Variants in CNIH3 observed in about 807,000 individuals in gnomAD.
CNIH3 encodes the protein protein cornichon homolog 3.
CNIH3 carries 14 observed loss-of-function variants against 24.1 expected under a neutral mutation model. The observed-to-expected ratio is 0.58, with a 90% CI of 0.38 to 0.91. CNIH3 has a LOEUF of 0.91. CNIH3 is among the 40% of genes least tolerant of loss of function. The pLI, the probability that CNIH3 is intolerant of heterozygous loss-of-function variation, is 0.00. For synonymous variants in CNIH3, 68 were observed against 73.8 expected (o/e 0.92, Z 0.40); for missense variants, 178 against 196.8 (o/e 0.90, Z 0.57).
chr1:224,479,004 C>T (rs904357925), intron 1 of CNIH3, among the ~76,000 whole-genome samples: 2 of 152,140 alleles, frequency 1.3e-5, no homozygotes, highest in African/African-American at 4.8e-5. Flanking sequence ...CACTGGATCC[C>T]TCCTACAACA....
chr1:224,606,265 T>G (rs1682416479), intron 3 of CNIH3, among the ~76,000 whole-genome samples: 1 of 152,142 alleles, frequency 6.6e-6, no homozygotes, highest in Non-Finnish European at 1.5e-5. Flanking sequence ...ACCTGCCCTC[T>G]TGGTACCTGA....
intron 3 of CNIH3, among the ~76,000 whole-genome samples, chr1:224,695,014 A>G (rs1687096848): frequency 6.6e-6 from 1 of 152,166 alleles, no homozygotes; most frequent in African/African-American, 2.4e-5. Context: ...GGGTGCACCA[A>G]AATCTCAGAA....
chr1:224,504,801 T>C (rs1279285709), intron 1 of CNIH3, among the ~76,000 whole-genome samples: 1 of 152,132 alleles, frequency 6.6e-6, no homozygotes, highest in Non-Finnish European at 1.5e-5. Context: ...ATCTGGGAAA[T>C]GGGACATTGC....
chr1:224,669,156 C>G (rs1244021437), intron 1 of CNIH3, among the ~76,000 whole-genome samples: 1 of 152,192 alleles, frequency 6.6e-6, no homozygotes, highest in South Asian at 2.1e-4. Context: ...TGAAGCGAGT[C>G]AGCTGGGGCT....
intron 3 of CNIH3, among the ~76,000 whole-genome samples, chr1:224,558,679 G>A (rs1680240750): frequency 6.6e-6 from 1 of 152,174 alleles, no homozygotes; most frequent in Non-Finnish European, 1.5e-5. Flanking sequence ...CCCACCCCTT[G>A]ATGGGAGTGG....
chr1:224,516,992 G>T (rs368570495), intron 1 of CNIH3, among the ~76,000 whole-genome samples: 4 of 152,248 alleles, frequency 2.6e-5, no homozygotes, highest in East Asian at 1.9e-4. Flanking sequence ...CTGTTTTTAG[G>T]GGGTAGGGGA....
intron 1 of CNIH3, among the ~76,000 whole-genome samples, chr1:224,500,155 C>G (rs761582431): frequency 6.6e-6 from 1 of 151,292 alleles, no homozygotes; most frequent in African/African-American, 2.4e-5. Flanking sequence ...AGGCCTGCAC[C>G]ATCAAGCCTG....
intron 3 of CNIH3, among the ~76,000 whole-genome samples, chr1:224,559,117 T>C (rs1303234863): frequency 1.3e-5 from 2 of 152,154 alleles, no homozygotes; most frequent in African/African-American, 4.8e-5. Flanking sequence ...CATCTTTCCT[T>C]GCAATTCAAA....
At chr1:224,514,833 A>C (rs1678314490), upstream of CNIH3, among the ~76,000 whole-genome samples, 1 of 152,188 alleles carries the variant, frequency 6.6e-6, no homozygotes, top group African/African-American at 2.4e-5. Flanking sequence ...CTGTCTCAAA[A>C]AACAAACAAC....
chr1:224,724,531 G>A lies in CNIH3; in HGVS notation c.199-5931G>A, dbSNP rs193021618. Among the ~76,000 whole-genome samples, 6 of 152,324 alleles carry A rather than the reference G, an allele frequency of 3.9e-5. No homozygotes were observed. The East Asian group carries it at 1.2e-3, about 29-fold the overall frequency. On this transcript the variant is annotated intron_variant, in intron 3 of 5. Transcript: ENST00000272133. The stretch of plus-strand genomic sequence containing the variant: ...CATGCTGGGAATACTGACTTCGTCC[G>A]GGGCATCCCAGAGGGATCCTCTGTT...
At chr1:224,486,816 C>G (rs963684193) in intron 1 of CNIH3, among the ~76,000 whole-genome samples, 4 of 152,220 alleles carry the variant, frequency 2.6e-5, no homozygotes, top group Non-Finnish European at 4.4e-5. Context: ...AAGTAGAGTG[C>G]TTATCACAGT....
rs564529186 is a variant in CNIH3 at position 224,445,700 on chromosome 1, G to A, written n.203+10838G>A. On this transcript the variant is annotated intron_variant and non_coding_transcript_variant, in intron 1 of 5. Coordinates refer to the CNIH3 transcript ENST00000471578. ...TGTACTGCAAATTTATTTTCCCTCT[G>A]TGTGGTTTGCTTTTGCTCTCTTAAT... 8.6e-5 allele frequency among the ~76,000 whole-genome samples: 13 copies of A among 151,778 alleles called. No individual in the cohort carries two copies. In the South Asian group the frequency reaches 2.7e-3, roughly 32 times the overall value.
intron 2 of CNIH3, among the ~76,000 whole-genome samples, chr1:224,535,612 T>TGCA (rs1679251999): frequency 6.6e-6 from 1 of 152,196 alleles, no homozygotes; most frequent in African/African-American, 2.4e-5. Context: ...TGTGGGGAAC[T>TGCA]GCATGGTCTG....
chr1:224,607,450 A>G (rs1462343019), intron 3 of CNIH3, among the ~76,000 whole-genome samples: 4 of 152,198 alleles, frequency 2.6e-5, no homozygotes, highest in Non-Finnish European at 5.9e-5. Flanking sequence ...CATTCCTTTG[A>G]GTCTTTTGAT....
At chr1:224,720,854 A>AT (rs1161297220) in intron 3 of CNIH3, among the ~76,000 whole-genome samples, 10 of 152,014 alleles carry the variant, frequency 6.6e-5, no homozygotes, top group Non-Finnish European at 1.3e-4. Flanking sequence ...TGGAACGGAG[A>AT]TTTTCTTCCC....
At chr1:224,492,829 T>G (rs1028155959) in intron 1 of CNIH3, among the ~76,000 whole-genome samples, 8 of 152,212 alleles carry the variant, frequency 5.3e-5, no homozygotes, top group Non-Finnish European at 1.0e-4. Flanking sequence ...CAGTTTTTAT[T>G]GCATATTTTT....
chr1:224,524,872 G>T (rs2124921037), intron 2 of CNIH3, among the ~76,000 whole-genome samples: 1 of 152,278 alleles, frequency 6.6e-6, no homozygotes, highest in Non-Finnish European at 1.5e-5. Context: ...AAGTGACTCA[G>T]ACCAGGAGCC....
At chr1:224,654,459 G>T (rs1321457059) in intron 1 of CNIH3, among the ~76,000 whole-genome samples, 3 of 150,316 alleles carry the variant, frequency 2.0e-5, no homozygotes, top group Non-Finnish European at 4.4e-5. Flanking sequence ...GTTGGGTTTT[G>T]TTTGTTTAAT....
At chr1:224,696,888 G>A (rs1395786899) in intron 3 of CNIH3, among the ~76,000 whole-genome samples, 4 of 152,166 alleles carry the variant, frequency 2.6e-5, no homozygotes, top group South Asian at 2.1e-4. Flanking sequence ...CCCTCAAAGC[G>A]CTGATCACCT....
Sources: gnomAD v4.1 joint callset for allele counts (sites outside exome capture counted in the v4.1 genomes callset) on GRCh38, gnomAD v4.1.1 for gene constraint, MANE v1.5 for transcripts, NCBI Gene and HGNC (gene_info 2026-07-23, HGNC 2026-07-21) for gene names.